The following ADAM18 variants were observed in gnomAD, a reference collection of about 807,000 sequenced individuals.
ADAM18 encodes the protein disintegrin and metalloproteinase domain-containing protein 18.
A neutral mutation model predicts 94.4 loss-of-function variants in ADAM18; 117 were observed. The observed-to-expected ratio is 1.24, with a 90% CI of 1.07 to 1.45. ADAM18 has a LOEUF of 1.45. Among genes scored for constraint, ADAM18 ranks in the 40% most tolerant of loss-of-function variants. The pLI is 0.00. For missense variants in ADAM18, 936 were observed against 880.0 expected (o/e 1.06, Z -0.81); for synonymous variants, 327 against 291.6 (o/e 1.12, Z -1.24).
chr8:39,706,948 T>C, intron 18 of ADAM18, 44 bp downstream of exon 18: 1 of 1,133,914 alleles, frequency 8.8e-7, no homozygotes, highest in Non-Finnish European at 1.3e-6. Flanking sequence ...AAGGTTGTTT[T>C]ATATAAAGTT....
At chr8:39,645,074 A>G (rs1050078038) in intron 10 of ADAM18, among the ~76,000 whole-genome samples, 4 of 152,178 alleles carry the variant, frequency 2.6e-5, no homozygotes, top group African/African-American at 9.6e-5. Context: ...GTTGTATTGT[A>G]TCAGAAATAC....
At chr8:39,687,835 G>A (rs1821649267) in intron 16 of ADAM18, among the ~76,000 whole-genome samples, 1 of 152,108 alleles carries the variant, frequency 6.6e-6, no homozygotes, top group Non-Finnish European at 1.5e-5. Context: ...GTATTCCATG[G>A]TGTGTGCGCA....
At chr8:39,693,465 C>CAAG in intron 17 of ADAM18, among the ~76,000 whole-genome samples, 1 of 150,722 alleles carries the variant, frequency 6.6e-6, no homozygotes, top group East Asian at 1.9e-4. Flanking sequence ...TTTAGTTCTT[C>CAAG]AGCCTTATTA....
chr8:39,646,685 T>C (rs577580777), intron 11 of ADAM18, among the ~76,000 whole-genome samples: 11 of 152,152 alleles, frequency 7.2e-5, no homozygotes, highest in Non-Finnish European at 1.3e-4. Flanking sequence ...TACAGTATAT[T>C]TGAAATGTGT....
chr8:39,704,731 G>C (rs1179680918), intron 17 of ADAM18, among the ~76,000 whole-genome samples: 1 of 151,954 alleles, frequency 6.6e-6, no homozygotes, highest in Non-Finnish European at 1.5e-5. Flanking sequence ...TTTTGCGTTT[G>C]TACCTACCCT....
chr8:39,692,102 TA>T (rs2129580865), intron 16 of ADAM18, among the ~76,000 whole-genome samples: 1 of 151,976 alleles, frequency 6.6e-6, no homozygotes, highest in African/African-American at 2.4e-5. Flanking sequence ...TTTGCCATAA[TA>T]AAAGTTTTAC....
chr8:39,635,915 C>T (rs770676184), intron 7 of ADAM18, among the ~76,000 whole-genome samples: 1 of 151,936 alleles, frequency 6.6e-6, no homozygotes, highest in Non-Finnish European at 1.5e-5. Flanking sequence ...ATTACAATGT[C>T]TGCCCTTTTC....
intron 12 of ADAM18, among the ~76,000 whole-genome samples, chr8:39,660,304 G>A (rs1820801771): frequency 6.6e-6 from 1 of 152,146 alleles, no homozygotes; most frequent in Non-Finnish European, 1.5e-5. Flanking sequence ...AAGACACAGA[G>A]TGGCTGAATG....
chr8:39,591,774 T>C (rs1044006214), intron 2 of ADAM18, among the ~76,000 whole-genome samples: 3 of 152,222 alleles, frequency 2.0e-5, no homozygotes, highest in African/African-American at 7.2e-5. Context: ...CTTTTCATAC[T>C]TTTTCAATAG....
intron 17 of ADAM18, among the ~76,000 whole-genome samples, chr8:39,702,053 G>A (rs2129581179): frequency 6.6e-6 from 1 of 152,230 alleles, no homozygotes; most frequent in East Asian, 1.9e-4. Flanking sequence ...GGGTCTTTGA[G>A]GAATCACCAC....
intron 6 of ADAM18, among the ~76,000 whole-genome samples, chr8:39,621,444 G>A (rs1819611050): frequency 6.6e-6 from 1 of 150,700 alleles, no homozygotes; most frequent in South Asian, 2.1e-4. Flanking sequence ...CCTGATCTTT[G>A]GCATTTTCTA....
At chr8:39,654,154 CTTTTTTTTTT>C (rs1177248372) in intron 12 of ADAM18, among the ~76,000 whole-genome samples, 1 of 139,848 alleles carries the variant, frequency 7.2e-6, no homozygotes, top group East Asian at 2.1e-4. Flanking sequence ...GATTTCATTC[CTTTTTTTTTT>C]TTTTTTTTTT....
At chr8:39,713,993 A>T (rs942776096) in intron 18 of ADAM18, among the ~76,000 whole-genome samples, 2 of 152,312 alleles carry the variant, frequency 1.3e-5, no homozygotes, top group Middle Eastern at 3.4e-3. Context: ...ATGCACACAT[A>T]TGTTTATTGT....
intron 6 of ADAM18, among the ~76,000 whole-genome samples, chr8:39,615,144 G>A (rs1034739662): frequency 4.6e-5 from 7 of 151,644 alleles, no homozygotes; most frequent in African/African-American, 1.7e-4. Flanking sequence ...CCTAAGAACA[G>A]AATATACATT....
chr8:39,703,536 G>C (rs540114830), intron 17 of ADAM18, among the ~76,000 whole-genome samples: 89 of 152,150 alleles, frequency 5.8e-4, no homozygotes, highest in African/African-American at 2.1e-3. Flanking sequence ...GGATTGGTGA[G>C]AGAGGGCACC....
chr8:39,656,605 G>A (rs535331143), intron 12 of ADAM18, among the ~76,000 whole-genome samples: 20 of 152,192 alleles, frequency 1.3e-4, no homozygotes, highest in Non-Finnish European at 2.6e-4. Context: ...ATTAGATGTT[G>A]ATAAAATAAA....
At chr8:39,663,578 G>A (rs1187748464) in intron 12 of ADAM18, among the ~76,000 whole-genome samples, 1 of 109,960 alleles carries the variant, frequency 9.1e-6, no homozygotes, top group Non-Finnish European at 1.7e-5. Flanking sequence ...CAGCCTGGGT[G>A]ACAGAGTGAA....
chr8:39,707,595 A>G (rs1240415993), intron 18 of ADAM18, among the ~76,000 whole-genome samples: 2 of 152,156 alleles, frequency 1.3e-5, no homozygotes, highest in African/African-American at 2.4e-5. Flanking sequence ...TGAACTGAAG[A>G]TTTGTTTTAA....
At position 39,584,580 on chromosome 8, in the gene ADAM18, C is replaced by A; in HGVS notation, c.-43C>A. 6.2e-7 allele frequency: 1 copy of A among 1,607,780 alleles called. No homozygotes were observed. The highest frequency in any genetic ancestry group is 8.5e-7 in the Non-Finnish European group (1 of 1,178,468). Reference sequence around the variant, plus strand: ...TGCCCGCGAGCTCAACGCTGCTCAACGGTCTCTGTCCTTGGCTGTGGCTCC... The same window carrying A: ...TGCCCGCGAGCTCAACGCTGCTCAAAGGTCTCTGTCCTTGGCTGTGGCTCC... On this transcript the variant is annotated 5_prime_UTR_variant, in exon 1 of 20. Coordinates refer to ENST00000265707, the MANE Select transcript of ADAM18 (RefSeq NM_014237.3).
Sources: allele counts gnomAD v4.1 joint callset (sites outside exome capture counted in the v4.1 genomes callset), GRCh38; gene constraint gnomAD v4.1.1; transcripts MANE v1.5; gene names NCBI Gene and HGNC (gene_info 2026-07-23, HGNC 2026-07-21).